The following PARD3 variants were observed in gnomAD, a reference collection of about 807,000 sequenced individuals.
PARD3 encodes par-3 family cell polarity regulator, also known as partitioning defective 3 homolog.
A neutral mutation model predicts 155.4 loss-of-function variants in PARD3; 75 were observed. The observed-to-expected ratio is 0.48, with a 90% CI of 0.40 to 0.58. The LOEUF (loss-of-function observed/expected upper bound fraction) is 0.58, where lower values mean the gene tolerates loss of function less well. PARD3 is among the 20% of genes least tolerant of loss of function. The probability of loss-of-function intolerance (pLI) is 0.00; values close to 1 mark genes in which losing one functional copy is unlikely to be tolerated. For synonymous variants in PARD3, 576 were observed against 610.5 expected, an observed-to-expected ratio of 0.94 and a Z score of 0.83; for missense variants, 1,642 against 1,721.7, an observed-to-expected ratio of 0.95 and a Z score of 0.82.
chr10:34,362,776 C>T (rs1020013592), intron 12 of PARD3, among the ~76,000 whole-genome samples: 3 of 152,340 alleles, frequency 2.0e-5, no homozygotes, highest in East Asian at 3.9e-4. Flanking sequence ...CTTACGTGCC[C>T]AGCCCCTTGA....
rs575586985 is a variant in PARD3, at chr10:34,807,118, A to G, written c.120+7758T>C. 3.9e-5 allele frequency among the ~76,000 whole-genome samples: 6 copies of G among 152,306 alleles called. No individual in the cohort carries two copies. In the East Asian group the frequency reaches 5.8e-4, roughly 15 times the overall value. ...GAAGCCCTTAGAGGGGGTAGGGGGT[A>G]GCACACAGAGACCAGGGGACCTGGA... On this transcript the variant is annotated intron_variant, in intron 1 of 24. Transcript: ENST00000374788.
chr10:34,281,772 C>T (rs564925219), intron 21 of PARD3, among the ~76,000 whole-genome samples: 1 of 152,072 alleles, frequency 6.6e-6, no homozygotes, highest in East Asian at 1.9e-4. Flanking sequence ...CCCAGATGTA[C>T]ACAGGCAAAA....
intron 1 of PARD3, among the ~76,000 whole-genome samples, chr10:34,699,834 C>G (rs1040171745): frequency 6.6e-6 from 1 of 152,138 alleles, no homozygotes; most frequent in Non-Finnish European, 1.5e-5. Context: ...GTGATTGTAT[C>G]ACTGCACTCC....
At chr10:34,814,816 A>C in intron 1 of PARD3, 60 bp downstream of exon 1, 2 of 1,286,106 alleles carry the variant, frequency 1.6e-6, no homozygotes, top group East Asian at 3.1e-5. Context: ...GAAGCGCCAT[A>C]TTGATCCCGG....
intron 7 of PARD3, among the ~76,000 whole-genome samples, chr10:34,396,067 AAGCC>A (rs759516929): frequency 2.0e-5 from 3 of 151,948 alleles, no homozygotes; most frequent in Non-Finnish European, 4.4e-5. Context: ...TAAAAAACTT[AAGCC>A]AGCCATGGTG....
intron 1 of PARD3, among the ~76,000 whole-genome samples, chr10:34,707,593 C>G (rs1212197509): frequency 6.6e-6 from 1 of 152,198 alleles, no homozygotes; most frequent in Non-Finnish European, 1.5e-5. Context: ...TGTGCCTCTT[C>G]TATACACTAC....
At chr10:34,424,532 T>A (rs928271084) in intron 5 of PARD3, among the ~76,000 whole-genome samples, 13 of 151,424 alleles carry the variant, frequency 8.6e-5, no homozygotes, top group Non-Finnish European at 1.0e-4. Flanking sequence ...TTATTTATTT[T>A]GAGACAGAGT....
chr10:34,168,046 A>C (rs1371087986), intron 22 of PARD3, among the ~76,000 whole-genome samples: 1 of 108,720 alleles, frequency 9.2e-6, no homozygotes, highest in Non-Finnish European at 2.0e-5. Context: ...TAATGGCTTA[A>C]TATGGTTTTT....
chr10:34,330,250 G>A (rs1441420762), intron 19 of PARD3, among the ~76,000 whole-genome samples: 4 of 151,850 alleles, frequency 2.6e-5, no homozygotes, highest in South Asian at 2.1e-4. Flanking sequence ...TAAATATATC[G>A]GTAGAGTTTT....
At chr10:34,296,826 T>C (rs1232240085) in intron 20 of PARD3, among the ~76,000 whole-genome samples, 1 of 152,110 alleles carries the variant, frequency 6.6e-6, no homozygotes, top group Non-Finnish European at 1.5e-5. Context: ...TTCAAAGTAA[T>C]CACAAGAGAG....
At position 34,425,917 on chromosome 10, in the gene PARD3, T is replaced by C. The variant is rs530163401; in HGVS notation, c.715-24000A>G. On this transcript the variant is annotated intron_variant, in intron 5 of 24. Coordinates refer to ENST00000374788, the MANE Select transcript of PARD3 (RefSeq NM_001184785.2). ...CTGAAACGTTCACAGATGCTTTACA[T>C]CCACCTATATTACTTCATCATAAAC... 2.0e-5 allele frequency among the ~76,000 whole-genome samples: 3 copies of C among 152,322 alleles called. No homozygotes were observed. In the East Asian group the frequency reaches 5.8e-4, roughly 29 times the overall value.
chr10:34,556,871 C>T (rs948692450), intron 2 of PARD3, among the ~76,000 whole-genome samples: 2 of 152,120 alleles, frequency 1.3e-5, no homozygotes, highest in African/African-American at 4.8e-5. Context: ...TAAAGGGATA[C>T]TCCTGTTCAC....
intron 20 of PARD3, among the ~76,000 whole-genome samples, chr10:34,289,015 G>A (rs1387326028): frequency 3.9e-5 from 6 of 152,178 alleles, no homozygotes; most frequent in Non-Finnish European, 8.8e-5. Flanking sequence ...GGGCTGGAGT[G>A]CAGTGGTGCA....
chr10:34,559,278 T>C (rs572549695), intron 2 of PARD3, among the ~76,000 whole-genome samples: 52 of 152,282 alleles, frequency 3.4e-4, no homozygotes, highest in African/African-American at 1.2e-3. Context: ...TGTAGGCTAA[T>C]TGATACAAAA....
At chr10:34,218,519 T>C (rs1311529619) in intron 22 of PARD3, among the ~76,000 whole-genome samples, 1 of 152,164 alleles carries the variant, frequency 6.6e-6, no homozygotes, top group Non-Finnish European at 1.5e-5. Flanking sequence ...TTCTGAGATG[T>C]GCCCAAGTAA....
intron 1 of PARD3, among the ~76,000 whole-genome samples, chr10:34,777,724 G>T (rs1286361176): frequency 2.6e-5 from 4 of 151,374 alleles, no homozygotes; most frequent in African/African-American, 9.7e-5. Flanking sequence ...AGAGATGGGG[G>T]TTTTGCTTTG....
At chr10:34,134,511 T>C (rs1947789185) in intron 22 of PARD3, among the ~76,000 whole-genome samples, 1 of 152,226 alleles carries the variant, frequency 6.6e-6, no homozygotes, top group Non-Finnish European at 1.5e-5. Context: ...CAAAGGGAGT[T>C]GACCGAGTAT....
intron 22 of PARD3, among the ~76,000 whole-genome samples, chr10:34,200,513 A>T (rs1951162699): frequency 6.6e-6 from 1 of 151,726 alleles, no homozygotes; most frequent in African/African-American, 2.4e-5. Flanking sequence ...TCCTTGCCTC[A>T]TCTCTAGTTA....
chr10:34,677,298 T>C (rs368149111), intron 2 of PARD3, among the ~76,000 whole-genome samples: 7 of 151,600 alleles, frequency 4.6e-5, no homozygotes, highest in African/African-American at 1.5e-4. Flanking sequence ...CTGGGCAACA[T>C]AGTGAGACCC....
Sources: gnomAD v4.1 joint callset for allele counts (sites outside exome capture counted in the v4.1 genomes callset) on GRCh38, gnomAD v4.1.1 for gene constraint, MANE v1.5 for transcripts, NCBI Gene and HGNC (gene_info 2026-07-23, HGNC 2026-07-21) for gene names.